SERGEF: variants seen among roughly 807,000 people sequenced by gnomAD.
SERGEF encodes the protein secretion regulating guanine nucleotide exchange factor.
Under a neutral mutation model 50.0 loss-of-function variants are expected in SERGEF, and 51 were observed. That is an observed-to-expected ratio of 1.02 (90% CI 0.81 to 1.29). The LOEUF is 1.29. Ranked by LOEUF, SERGEF falls within the 50% of genes most tolerant of loss-of-function variation. The probability of loss-of-function intolerance (pLI) is 0.00; values close to 1 mark genes in which losing one functional copy is unlikely to be tolerated. For synonymous variants in SERGEF, 205 were observed against 212.4 expected (o/e 0.97, Z 0.30); for missense variants, 521 against 557.0 (o/e 0.94, Z 0.65).
At position 17,896,299 on chromosome 11, in the gene SERGEF, G is replaced by T. The variant is rs530629344; in HGVS notation, c.1012-18055C>A. Among the ~76,000 whole-genome samples the T allele has an allele frequency of 3.7e-4, 57 of 152,114 alleles. No homozygotes were observed. The South Asian group carries it at 0.011, about 28-fold the overall frequency. ...CACAGGAAAAGGGCTTAGGAATTTT[G>T]TTTGCATGCATTAGCTCATTTAATC... On this transcript the variant is annotated intron_variant, in intron 9 of 10. Transcript: ENST00000265965.
At chr11:17,903,838 T>C (rs1851790881) in intron 9 of SERGEF, among the ~76,000 whole-genome samples, 1 of 152,194 alleles carries the variant, frequency 6.6e-6, no homozygotes, top group Non-Finnish European at 1.5e-5. Flanking sequence ...GAGTCATTAA[T>C]GTAGGGAAGA....
Position 17,995,847 on chromosome 11 carries a change from C to A in SERGEF, c.571G>T (p.Gly191Trp). Residue 191 changes from glycine to tryptophan, a missense_variant, in exon 6 of 11, where the codon GGG becomes TGG. Physicochemically the swap from Gly to Trp is radical, Grantham distance 184 (BLOSUM62 -2). Coordinates refer to ENST00000265965, the MANE Select transcript of SERGEF (RefSeq NM_012139.4). ...LASCGRRLCP[G>W]QTLPLFFTAK... The stretch of plus-strand genomic sequence containing the variant: ...GTGAAAAACAATGGAAGAGTCTGCC[C>A]AGGGCACAACCGTCGTCCACATGAT... 1 of 1,614,060 alleles carries A rather than the reference C, an allele frequency of 6.2e-7. No individual in the cohort carries two copies. The highest frequency in any genetic ancestry group is 8.5e-7 in the Non-Finnish European group (1 of 1,179,988).
chr11:17,885,613 C>T (rs1159723212), intron 9 of SERGEF, among the ~76,000 whole-genome samples: 3 of 151,996 alleles, frequency 2.0e-5, no homozygotes, highest in South Asian at 2.1e-4. Context: ...CATGACCCAC[C>T]GTACATGCAT....
At chr11:17,857,332 A>G (rs1297577204) in intron 10 of SERGEF, among the ~76,000 whole-genome samples, 3 of 152,174 alleles carry the variant, frequency 2.0e-5, no homozygotes, top group Non-Finnish European at 2.9e-5. Context: ...AGTCCCCTCC[A>G]CCATGAAAGT....
chr11:17,804,514 GTTAGGT>G (rs2133828972), intron 10 of SERGEF, among the ~76,000 whole-genome samples: 1 of 152,304 alleles, frequency 6.6e-6, no homozygotes, highest in South Asian at 2.1e-4. Context: ...ACAAATATTT[GTTAGGT>G]GCCTTCCTTC....
intron 9 of SERGEF, among the ~76,000 whole-genome samples, chr11:17,881,214 CAGAG>C (rs1590174052): frequency 6.6e-6 from 1 of 152,148 alleles, no homozygotes; most frequent in Admixed American, 6.5e-5. Flanking sequence ...TTACAAAATG[CAGAG>C]AGAGAAAAGC....
chr11:17,969,981 A>T (rs930055393), intron 8 of SERGEF, among the ~76,000 whole-genome samples: 9 of 152,240 alleles, frequency 5.9e-5, no homozygotes, highest in Non-Finnish European at 1.2e-4. Flanking sequence ...AAGCAACTTA[A>T]CTACTCAAGG....
rs201347175 is a variant in SERGEF at position 17,878,159 on chromosome 11, T to C, written c.1048+49A>G. 8.3e-5 allele frequency: 113 copies of C among 1,369,516 alleles called. No homozygotes were observed. In the African/African-American group the frequency reaches 1.4e-3, roughly 16 times the overall value. 84.8% of individuals were successfully genotyped at this position (1,369,516 alleles called of 1,614,324 possible). On this transcript the variant is annotated intron_variant, in intron 10 of 10. Coordinates refer to ENST00000265965, the MANE Select transcript of SERGEF (RefSeq NM_012139.4). ...GTTAACCAAAAGTCTTCTCCAATTC[T>C]GCCACATGATTTTCAGAAGAAACAG... is the stretch of plus-strand genomic sequence containing the variant.
chr11:17,790,825 C>A (rs117260692), intron 10 of SERGEF, among the ~76,000 whole-genome samples: 1 of 152,142 alleles, frequency 6.6e-6, no homozygotes, highest in African/African-American at 2.4e-5. Flanking sequence ...CTCATGAGTA[C>A]GTTCAATTAG....
intron 8 of SERGEF, among the ~76,000 whole-genome samples, chr11:17,974,911 T>C (rs539864997): frequency 6.6e-6 from 1 of 152,318 alleles, no homozygotes; most frequent in South Asian, 2.1e-4. Context: ...AAGTGGTGAA[T>C]AGAGCCACTG....
chr11:17,873,813 G>C (rs540625720), intron 10 of SERGEF, among the ~76,000 whole-genome samples: 13 of 152,340 alleles, frequency 8.5e-5, no homozygotes, highest in Admixed American at 7.2e-4. Flanking sequence ...AGCAGGGAGA[G>C]AGGAAACGCA....
At chr11:17,962,404 G>A (rs1382273004) in intron 8 of SERGEF, among the ~76,000 whole-genome samples, 1 of 152,058 alleles carries the variant, frequency 6.6e-6, no homozygotes, top group African/African-American at 2.4e-5. Context: ...ATGAATGTCT[G>A]CATCAAGCTG....
chr11:17,801,757 C>T (rs1171618323), intron 10 of SERGEF, among the ~76,000 whole-genome samples: 1 of 152,092 alleles, frequency 6.6e-6, no homozygotes, highest in East Asian at 1.9e-4. Flanking sequence ...CCTGGGAAAC[C>T]GTGTGAATAA....
chr11:17,914,200 T>C (rs554493996), intron 9 of SERGEF, among the ~76,000 whole-genome samples: 1 of 152,338 alleles, frequency 6.6e-6, no homozygotes, highest in Non-Finnish European at 1.5e-5. Context: ...GCTTCCTTCT[T>C]GTCCAAATCT....
intron 8 of SERGEF, among the ~76,000 whole-genome samples, chr11:17,964,360 A>AG (rs1199721094): frequency 2.0e-5 from 3 of 152,072 alleles, no homozygotes; most frequent in Admixed American, 6.5e-5. Context: ...CAAGGGCTGC[A>AG]GGTGCTGCAG....
intron 9 of SERGEF, among the ~76,000 whole-genome samples, chr11:17,903,349 CAAG>C (rs1332407962): frequency 6.6e-6 from 1 of 152,110 alleles, no homozygotes; most frequent in East Asian, 1.9e-4. Flanking sequence ...GGTCCAGTCA[CAAG>C]AAGATACAGC....
intron 5 of SERGEF, among the ~76,000 whole-genome samples, chr11:17,998,508 T>A (rs1590243020): frequency 1.2e-5 from 1 of 86,744 alleles, no homozygotes; most frequent in Non-Finnish European, 2.2e-5. Flanking sequence ...AGTGTGTGTG[T>A]TATATATATA....
chr11:17,834,184 T>C (rs907549286), intron 10 of SERGEF, among the ~76,000 whole-genome samples: 3 of 152,174 alleles, frequency 2.0e-5, no homozygotes, highest in Non-Finnish European at 4.4e-5. Flanking sequence ...GTTCTCATGA[T>C]AGTGAATAAG....
In SERGEF at chr11:17,992,839, G is replaced by A. The variant is rs1853745626; in HGVS notation, c.685+92C>T. On this transcript the variant is annotated intron_variant, in intron 7 of 10. Coordinates refer to ENST00000265965, the MANE Select transcript of SERGEF (RefSeq NM_012139.4). ...TCAGAATTCTAGCTCCAAAGTCTAT[G>A]ACATTCCCTCTGTATTTCAATATCA... 2.7e-6 allele frequency: 3 copies of A among 1,121,662 alleles called. No individual in the cohort carries two copies. The South Asian group carries it at 3.9e-5, about 14-fold the overall frequency. 69.5% of individuals were successfully genotyped at this position (1,121,662 alleles called of 1,614,324 possible).
Sources: allele counts gnomAD v4.1 joint callset (sites outside exome capture counted in the v4.1 genomes callset), GRCh38; gene constraint gnomAD v4.1.1; transcripts MANE v1.5; gene names NCBI Gene and HGNC (gene_info 2026-07-23, HGNC 2026-07-21).